ALOX5: variants seen among roughly 807,000 people sequenced by gnomAD.
ALOX5 encodes the protein arachidonate 5-lipoxygenase, also known as polyunsaturated fatty acid 5-lipoxygenase.
A neutral mutation model predicts 87.9 loss-of-function variants in ALOX5; 64 were observed. The observed-to-expected ratio is 0.73, with a 90% CI of 0.60 to 0.90. The LOEUF is 0.90. Among genes scored for constraint, ALOX5 ranks in the 40% least tolerant of loss-of-function variants. The pLI is 0.00. For synonymous variants in ALOX5, 388 were observed against 355.1 expected, an observed-to-expected ratio of 1.09 and a Z score of -1.04; for missense variants, 822 against 907.5, an observed-to-expected ratio of 0.91 and a Z score of 1.21.
At chr10:45,445,378 T>C (rs1270798195) in intron 13 of ALOX5, 130 bp from the exon 14 acceptor site, 4 of 1,120,720 alleles carry the variant, frequency 3.6e-6, no homozygotes, top group Non-Finnish European at 5.1e-6. Context: ...AGAGGGTGAA[T>C]ATGGGGAGGT....
At chr10:45,401,766 G>A (rs972584430) in intron 3 of ALOX5, among the ~76,000 whole-genome samples, 6 of 152,216 alleles carry the variant, frequency 3.9e-5, no homozygotes, top group Middle Eastern at 6.8e-3. Flanking sequence ...TAGGACAGAT[G>A]CCCAGATATG....
chr10:45,398,825 G>C (rs1564422898), intron 3 of ALOX5, among the ~76,000 whole-genome samples: 1 of 152,192 alleles, frequency 6.6e-6, no homozygotes, highest in Admixed American at 6.5e-5. Flanking sequence ...GTGTTGACAA[G>C]GATGTGGAGA....
chr10:45,390,297 A>T (rs1021925416), intron 2 of ALOX5, among the ~76,000 whole-genome samples: 2 of 152,218 alleles, frequency 1.3e-5, no homozygotes, highest in Admixed American at 1.3e-4. Context: ...CAGAAAGTTA[A>T]CAAGGATATC....
chr10:45,444,700 G>C (rs1006685644), intron 13 of ALOX5: 1 of 191,480 alleles, frequency 5.2e-6, no homozygotes, highest in Non-Finnish European at 1.1e-5. Context: ...ACCCGCTTTG[G>C]GGTAGCTCAG....
intron 4 of ALOX5, among the ~76,000 whole-genome samples, chr10:45,420,914 G>A (rs984379448): frequency 6.6e-6 from 1 of 152,248 alleles, no homozygotes; most frequent in East Asian, 1.9e-4. Flanking sequence ...CCCGTCCTGG[G>A]AGAAGTAGGG....
chr10:45,395,992 G>T, intron 3 of ALOX5, 56 bp downstream of exon 3: 1 of 1,554,242 alleles, frequency 6.4e-7, no homozygotes, highest in South Asian at 1.1e-5. Context: ...TCTATCTCAA[G>T]AGCATGGTAT....
At chr10:45,423,916 C>A in intron 4 of ALOX5, 125 bp from the exon 5 acceptor site, 1 of 732,014 alleles carries the variant, frequency 1.4e-6, no homozygotes, top group Admixed American at 2.2e-5. Context: ...AGCCAGTCAC[C>A]TACCTCTGCA....
At chr10:45,431,700 G>A (rs1841908000) in intron 7 of ALOX5, among the ~76,000 whole-genome samples, 1 of 151,902 alleles carries the variant, frequency 6.6e-6, no homozygotes, top group African/African-American at 2.4e-5. Flanking sequence ...AGCCTCCCGA[G>A]TAGCTGGGAT....
At chr10:45,428,166 G>T (rs1298636355) in intron 6 of ALOX5, among the ~76,000 whole-genome samples, 1 of 40,490 alleles carries the variant, frequency 2.5e-5, no homozygotes, top group Non-Finnish European at 4.6e-5. Flanking sequence ...GGACAGCCCC[G>T]CCTCGCTTCC....
intron 4 of ALOX5, among the ~76,000 whole-genome samples, chr10:45,419,755 G>A (rs1841436863): frequency 1.5e-5 from 1 of 64,894 alleles, no homozygotes; most frequent in Non-Finnish European, 3.3e-5. Flanking sequence ...CACCAGGGGT[G>A]TAGGGAAGGA....
At chr10:45,429,046 A>G (rs1175274042) in intron 7 of ALOX5, among the ~76,000 whole-genome samples, 1 of 152,082 alleles carries the variant, frequency 6.6e-6, no homozygotes, top group Admixed American at 6.5e-5. Flanking sequence ...CCCCCAGTCA[A>G]GGTGCTGCCA....
chr10:45,420,630 G>A (rs1841467760), intron 4 of ALOX5, among the ~76,000 whole-genome samples: 1 of 152,232 alleles, frequency 6.6e-6, no homozygotes, highest in African/African-American at 2.4e-5. Flanking sequence ...TTAAACCTCT[G>A]GCTGGCGACA....
At chr10:45,401,436 C>T (rs1840696426) in intron 3 of ALOX5, among the ~76,000 whole-genome samples, 2 of 152,054 alleles carry the variant, frequency 1.3e-5, no homozygotes, top group South Asian at 4.1e-4. Flanking sequence ...ATTTTATGAA[C>T]TTTTTCATAA....
intron 7 of ALOX5, among the ~76,000 whole-genome samples, chr10:45,437,634 C>T (rs1036821452): frequency 3.3e-5 from 5 of 152,232 alleles, no homozygotes; most frequent in Admixed American, 2.6e-4. Flanking sequence ...GCTTGCAGCC[C>T]ATGCCCCTTC....
At chr10:45,441,810 C>T (rs1842244699) in intron 9 of ALOX5, among the ~76,000 whole-genome samples, 1 of 152,118 alleles carries the variant, frequency 6.6e-6, no homozygotes, top group Non-Finnish European at 1.5e-5. Context: ...CTGACCTGGA[C>T]CTCCCCAGCA....
intron 1 of ALOX5, among the ~76,000 whole-genome samples, chr10:45,377,951 T>G (rs1269445463): frequency 6.6e-6 from 1 of 152,198 alleles, no homozygotes; most frequent in Non-Finnish European, 1.5e-5. Flanking sequence ...CCTTGTGAAA[T>G]GAGGCCGGTG....
At position 45,440,566 on chromosome 10, in the gene ALOX5, A is replaced by T. The variant is rs765649864; in HGVS notation, c.1118A>T (p.His373Leu). Residue 373 changes from histidine to leucine, a missense_variant, in exon 8 of 14, where the codon CAT becomes CTT. By Grantham distance (99) the His-to-Leu change is moderately conservative. Coordinates refer to ENST00000374391, the MANE Select transcript of ALOX5 (RefSeq NM_000698.5). Reference protein sequence around the residue: ...HQTITHLLRTHLVSEVFGIAM... With the variant: ...HQTITHLLRTLLVSEVFGIAM... Reference sequence around the variant, plus strand: ...ACCATCACCCACCTTCTGCGAACACATCTGGTGTCTGAGGTTTTTGGCATT... The same window carrying T: ...ACCATCACCCACCTTCTGCGAACACTTCTGGTGTCTGAGGTTTTTGGCATT... The T allele has an allele frequency of 6.2e-7, 1 of 1,614,054 alleles. No homozygotes were observed. The highest frequency in any genetic ancestry group is 8.5e-7 in the Non-Finnish European group (1 of 1,180,010).
chr10:45,399,991 C>T (rs1467568400), intron 3 of ALOX5, among the ~76,000 whole-genome samples: 1 of 152,148 alleles, frequency 6.6e-6, no homozygotes, highest in Non-Finnish European at 1.5e-5. Flanking sequence ...CAGATAGTAA[C>T]AAGTGCTGCC....
intron 2 of ALOX5, among the ~76,000 whole-genome samples, chr10:45,384,089 CG>C (rs895287258): frequency 1.2e-4 from 18 of 152,046 alleles, no homozygotes; most frequent in African/African-American, 1.7e-4. Flanking sequence ...ATGCAGAGTG[CG>C]GGGCCATCAG....
Sources: gnomAD v4.1 joint callset for allele counts (sites outside exome capture counted in the v4.1 genomes callset) on GRCh38, gnomAD v4.1.1 for gene constraint, MANE v1.5 for transcripts, NCBI Gene and HGNC (gene_info 2026-07-23, HGNC 2026-07-21) for gene names.